The following PADI2 variants were observed in gnomAD, a reference collection of about 807,000 sequenced individuals.
PADI2 encodes the protein protein-arginine deiminase type-2.
A neutral mutation model predicts 81.1 loss-of-function variants in PADI2; 70 were observed. That is an observed-to-expected ratio of 0.86 (90% CI 0.71 to 1.05). PADI2 has a LOEUF of 1.05. Among genes scored for constraint, PADI2 ranks in the 50% least tolerant of loss-of-function variants. The pLI, the probability that PADI2 is intolerant of heterozygous loss-of-function variation, is 0.00. For missense variants in PADI2, 853 were observed against 889.9 expected (o/e 0.96, Z 0.53); for synonymous variants, 338 against 358.0 (o/e 0.94, Z 0.63).
At chr1:17,081,652 A>G (rs2101581849) in intron 10 of PADI2, among the ~76,000 whole-genome samples, 1 of 152,356 alleles carries the variant, frequency 6.6e-6, no homozygotes, top group Non-Finnish European at 1.5e-5. Context: ...TGCCCTGTTC[A>G]AACCTCCCCC....
At chr1:17,078,683 CA>C (rs1185000082) in intron 11 of PADI2, among the ~76,000 whole-genome samples, 1 of 152,026 alleles carries the variant, frequency 6.6e-6, no homozygotes, top group East Asian at 1.9e-4. Flanking sequence ...CCACTGTGCC[CA>C]GCCTATTTAT....
chr1:17,075,923 A>G (rs3818031), intron 11 of PADI2, 100 bp from the exon 12 acceptor site: 693,158 of 1,123,098 alleles, frequency 0.62, 217,519 homozygotes, highest in Middle Eastern at 0.71. Flanking sequence ...ACCCAGAGTG[A>G]CATCAGCAGA....
chr1:17,083,135 A>C (rs1275912092), intron 9 of PADI2: 1 of 156,834 alleles, frequency 6.4e-6, no homozygotes, highest in East Asian at 1.9e-4. Flanking sequence ...AGCCTCCCAA[A>C]GTGCTGGGAT....
chr1:17,107,510 C>T (rs1931426170), intron 1 of PADI2, among the ~76,000 whole-genome samples: 1 of 152,194 alleles, frequency 6.6e-6, no homozygotes, highest in Admixed American at 6.5e-5. Flanking sequence ...CTCAGAGCAT[C>T]CAATTCAGGA....
chr1:17,082,081 G>A (rs979700357), intron 10 of PADI2, among the ~76,000 whole-genome samples: 9 of 152,100 alleles, frequency 5.9e-5, no homozygotes, highest in Admixed American at 2.0e-4. Flanking sequence ...CAGCCTGGGC[G>A]ACAGAGCAAG....
At chr1:17,082,369 A>G (rs1403137246) in intron 10 of PADI2, among the ~76,000 whole-genome samples, 176 bp downstream of exon 10, 2 of 152,190 alleles carry the variant, frequency 1.3e-5, no homozygotes, top group Non-Finnish European at 2.9e-5. Flanking sequence ...ATCAGTTATC[A>G]GAGCAGGAAA....
chr1:17,073,031 C>T (rs1028533334), intron 13 of PADI2, among the ~76,000 whole-genome samples: 3 of 152,104 alleles, frequency 2.0e-5, no homozygotes, highest in Admixed American at 1.3e-4. Flanking sequence ...ATCTGAGGGG[C>T]AGTCATGTAA....
chr1:17,079,199 C>G (rs1217584967), intron 11 of PADI2, 65 bp downstream of exon 11: 2 of 1,497,842 alleles, frequency 1.3e-6, no homozygotes, highest in Admixed American at 3.7e-5. Flanking sequence ...ACCCAGGCCA[C>G]CCCAAAAGAG....
chr1:17,075,525 CTG>C, intron 12 of PADI2, 152 bp downstream of exon 12: 1 of 628,728 alleles, frequency 1.6e-6, no homozygotes, highest in Non-Finnish European at 2.6e-6. Flanking sequence ...AAAATTTTAC[CTG>C]CCACAGCAAC....
In PADI2 at chr1:17,071,443, G is replaced by T. The variant is rs1328641241; in HGVS notation, c.1598C>A (p.Ser533Tyr). ...SKRITINKILSNESLVQENLY... is the reference protein window; with the variant it reads ...SKRITINKILYNESLVQENLY... Reference sequence around the variant, plus strand: ...GTTCTCCTGCACAAGGCTCTCGTTGGACAGAATCTTGTTGATGGTGATTCG... The same window carrying T: ...GTTCTCCTGCACAAGGCTCTCGTTGTACAGAATCTTGTTGATGGTGATTCG... The change falls in exon 14 of 16, where the codon TCC (serine) becomes TAC (tyrosine). Residue 533 changes from serine to tyrosine, a missense_variant. By Grantham distance (144) the Ser-to-Tyr change is moderately radical. Transcript: ENST00000375486. The T allele has an allele frequency of 6.2e-7, 1 of 1,613,980 alleles. No individual in the cohort carries two copies. Among genetic ancestry groups the T allele is most frequent in the African/African-American group, 1.3e-5 (1 of 74,930 alleles).
intron 3 of PADI2, 21 bp downstream of exon 3, chr1:17,102,966 A>G (rs759561317): frequency 4.4e-6 from 7 of 1,589,830 alleles, no homozygotes; most frequent in Admixed American, 1.7e-5. Flanking sequence ...AGGCACTGAG[A>G]CGGCAACCAT....
intron 13 of PADI2, among the ~76,000 whole-genome samples, chr1:17,073,188 C>A (rs532167280): frequency 6.6e-6 from 1 of 152,044 alleles, no homozygotes; most frequent in Non-Finnish European, 1.5e-5. Context: ...GAGGCCGAGG[C>A]GGGTGGTTCA....
At chr1:17,077,956 G>T (rs2078316365) in intron 11 of PADI2, among the ~76,000 whole-genome samples, 1 of 152,150 alleles carries the variant, frequency 6.6e-6, no homozygotes, top group African/African-American at 2.4e-5. Flanking sequence ...GGGAGCCAGG[G>T]ACTCACATTT....
At position 17,068,972 on chromosome 1, in the gene PADI2, G is replaced by T; in HGVS notation, c.*72C>A. 1 of 1,183,224 alleles carries T rather than the reference G, an allele frequency of 8.5e-7. No individual in the cohort carries two copies. The highest frequency in any genetic ancestry group is 1.3e-6 in the Non-Finnish European group (1 of 789,986). The allele number at this position is 1,183,224 out of a possible 1,614,324, so 73.3% of individuals were successfully genotyped here. On this transcript the variant is annotated 3_prime_UTR_variant, in exon 16 of 16. Transcript: ENST00000375486. ...CGGGGCTGTCCAGTCCATGTCAGCA[G>T]AAGGCTCTGGGCGTGTGAGGGAGGG... is the stretch of plus-strand genomic sequence containing the variant.
intron 10 of PADI2, 56 bp from the exon 11 acceptor site, chr1:17,079,471 C>T: frequency 2.1e-6 from 3 of 1,453,534 alleles, no homozygotes; most frequent in Non-Finnish European, 1.9e-6. Context: ...CCTCAGCCCC[C>T]AAGCCAGCCA....
chr1:17,107,205 T>C (rs1557772504), intron 1 of PADI2, among the ~76,000 whole-genome samples: 1 of 152,112 alleles, frequency 6.6e-6, no homozygotes, highest in East Asian at 1.9e-4. Context: ...AGCTGCTATT[T>C]TGGGGGCCTG....
chr1:17,087,667 AT>A (rs1343476514), intron 6 of PADI2, among the ~76,000 whole-genome samples: 3 of 151,932 alleles, frequency 2.0e-5, no homozygotes, highest in African/African-American at 7.3e-5. Flanking sequence ...CATATGGTTA[AT>A]TTTTGTATTT....
intron 4 of PADI2, among the ~76,000 whole-genome samples, chr1:17,095,572 C>T (rs1299581178): frequency 6.6e-6 from 1 of 152,150 alleles, no homozygotes; most frequent in Non-Finnish European, 1.5e-5. Context: ...CTGTCTCCCC[C>T]ACCTCCCTAG....
At position 17,082,706 on chromosome 1, in the gene PADI2, C is replaced by T. The variant is rs553352822; in HGVS notation, c.1051-54G>A. On this transcript the variant is annotated intron_variant, in intron 9 of 15. Transcript: ENST00000375486. ...ACGAATCCAGGGGACAATTTGTGCA[C>T]ATGGGCAGAAAACTCGAGAAACACA... 5.1e-5 allele frequency: 55 copies of T among 1,071,046 alleles called. No homozygotes were observed. The South Asian group carries it at 7.4e-4, about 14-fold the overall frequency. 66.3% of individuals were successfully genotyped at this position (1,071,046 alleles called of 1,614,324 possible). A position where few individuals can be genotyped will look rare whatever the true frequency, so the allele number is the denominator to read the frequency against.
Sources: allele counts gnomAD v4.1 joint callset (sites outside exome capture counted in the v4.1 genomes callset), GRCh38; gene constraint gnomAD v4.1.1; transcripts MANE v1.5; gene names NCBI Gene and HGNC (gene_info 2026-07-23, HGNC 2026-07-21).